MIPOL1: variants seen among roughly 807,000 people sequenced by gnomAD.
The protein encoded by MIPOL1 is mirror-image polydactyly 1, also known as mirror-image polydactyly gene 1 protein.
Under a neutral mutation model 60.9 loss-of-function variants are expected in MIPOL1, and 57 were observed. That is an observed-to-expected ratio of 0.94 (90% CI 0.76 to 1.17). The LOEUF (loss-of-function observed/expected upper bound fraction) is 1.17, where lower values mean the gene tolerates loss of function less well. Among genes scored for constraint, MIPOL1 ranks in the 50% most tolerant of loss-of-function variants. The pLI is 0.00. For missense variants in MIPOL1, 551 were observed against 511.6 expected, an observed-to-expected ratio of 1.08 and a Z score of -0.74; for synonymous variants, 179 against 168.8, an observed-to-expected ratio of 1.06 and a Z score of -0.47.
intron 9 of MIPOL1, among the ~76,000 whole-genome samples, chr14:37,351,126 T>C (rs1356618971): frequency 7.0e-6 from 1 of 143,722 alleles, no homozygotes; most frequent in Non-Finnish European, 1.5e-5. Flanking sequence ...ATCTCATTGT[T>C]CAATTCCCAC....
chr14:37,306,233 T>G (rs138981554), intron 7 of MIPOL1, among the ~76,000 whole-genome samples: 1 of 152,040 alleles, frequency 6.6e-6, no homozygotes, highest in East Asian at 1.9e-4. Flanking sequence ...AAGACAGCCT[T>G]AAATATTACA....
intron 10 of MIPOL1, among the ~76,000 whole-genome samples, chr14:37,403,091 A>G (rs1315721185): frequency 6.6e-6 from 1 of 152,188 alleles, no homozygotes; most frequent in Non-Finnish European, 1.5e-5. Context: ...AGGGTGGAAG[A>G]TATTTACTCT....
chr14:37,356,594 G>C (rs998219008), intron 9 of MIPOL1, among the ~76,000 whole-genome samples: 3 of 152,168 alleles, frequency 2.0e-5, no homozygotes, highest in African/African-American at 7.2e-5. Flanking sequence ...GCCAGGTGCG[G>C]GATATAATCT....
rs1156242983 is a variant in MIPOL1, at chr14:37,550,151, T to C, written c.*3180T>C. 6.6e-6 allele frequency: 1 copy of C among 151,520 alleles called. No individual in the cohort carries two copies. Among genetic ancestry groups the C allele is most frequent in the African/African-American group, 2.4e-5 (1 of 41,524 alleles). 9.4% of individuals were successfully genotyped at this position (151,520 alleles called of 1,614,324 possible). The stretch of plus-strand genomic sequence containing the variant: ...TCAATGATAAAGTTGATCCTTTGTA[T>C]ATTTCCTTATTCAAATAAATTCAGT... On this transcript the variant is annotated 3_prime_UTR_variant, in exon 13 of 13. Transcript: ENST00000684589.
At position 37,544,252 on chromosome 14, in the gene MIPOL1, A is replaced by G. The variant is rs577599448; in HGVS notation, c.1263-2653A>G. On this transcript the variant is annotated intron_variant, in intron 12 of 12. Transcript: ENST00000684589. ...TAGTGATAAAAGAAACAAAAATCATATTTAAAGTCTTCTCATCCTTCTGAC... is the reference window on the plus strand; with the variant it reads ...TAGTGATAAAAGAAACAAAAATCATGTTTAAAGTCTTCTCATCCTTCTGAC... 2.0e-5 allele frequency among the ~76,000 whole-genome samples: 3 copies of G among 152,354 alleles called. No homozygotes were observed. In the South Asian group the frequency reaches 6.2e-4, roughly 32 times the overall value.
chr14:37,312,117 C>CT (rs1013642256), intron 9 of MIPOL1, among the ~76,000 whole-genome samples: 1 of 152,006 alleles, frequency 6.6e-6, no homozygotes, highest in African/African-American at 2.4e-5. Context: ...TAACTTTTTA[C>CT]TTACTCTGAG....
intron 12 of MIPOL1, among the ~76,000 whole-genome samples, chr14:37,537,831 G>A (rs957166926): frequency 6.6e-6 from 1 of 152,108 alleles, no homozygotes; most frequent in Admixed American, 6.5e-5. Flanking sequence ...TATGCTGTGA[G>A]CCATACAAGG....
Position 37,494,390 on chromosome 14 carries a change from T to A in MIPOL1, c.1032-5518T>A, listed in dbSNP as rs559454781. 4.1e-4 allele frequency among the ~76,000 whole-genome samples: 62 copies of A among 152,302 alleles called. No homozygotes were observed. The Middle Eastern group carries it at 0.01, about 25-fold the overall frequency. ...TAGATTGAAGACCCACGTAGGTGTATCTAAGAAAGTGATATTTTTGCTTTG... is the reference window on the plus strand; with the variant it reads ...TAGATTGAAGACCCACGTAGGTGTAACTAAGAAAGTGATATTTTTGCTTTG... On this transcript the variant is annotated intron_variant, in intron 11 of 12. Coordinates refer to ENST00000684589, the MANE Select transcript of MIPOL1 (RefSeq NM_001388067.1).
chr14:37,508,261 G>A (rs952817498), intron 12 of MIPOL1, among the ~76,000 whole-genome samples: 2 of 152,042 alleles, frequency 1.3e-5, no homozygotes, highest in East Asian at 1.9e-4. Flanking sequence ...TCTTCACAAC[G>A]AAATTTCTTA....
chr14:37,212,670 C>G (rs1224445362), intron 1 of MIPOL1, among the ~76,000 whole-genome samples: 1 of 152,166 alleles, frequency 6.6e-6, no homozygotes, highest in African/African-American at 2.4e-5. Context: ...GGACATAGGC[C>G]TGGCTTGCTT....
At chr14:37,360,879 C>G (rs1042423104) in intron 9 of MIPOL1, among the ~76,000 whole-genome samples, 1 of 152,094 alleles carries the variant, frequency 6.6e-6, no homozygotes, top group African/African-American at 2.4e-5. Context: ...TGTGTTTGCT[C>G]TTGCTTCTCT....
chr14:37,337,356 ATTTTTTTT>A (rs33972471), intron 9 of MIPOL1, among the ~76,000 whole-genome samples: 58 of 29,918 alleles, frequency 1.9e-3, no homozygotes, highest in Non-Finnish European at 2.4e-3. Flanking sequence ...ATATATATAT[ATTTTTTTT>A]TTTTTTTTTT....
intron 9 of MIPOL1, among the ~76,000 whole-genome samples, chr14:37,346,901 G>A (rs1421936302): frequency 6.6e-6 from 1 of 152,042 alleles, no homozygotes; most frequent in South Asian, 2.1e-4. Flanking sequence ...AGCAAAGGGG[G>A]AAAAATTATC....
chr14:37,209,259 T>G (rs534498254), intron 1 of MIPOL1, among the ~76,000 whole-genome samples: 1 of 152,234 alleles, frequency 6.6e-6, no homozygotes. Flanking sequence ...AAAAATCCAG[T>G]GGGACATCTC....
At chr14:37,410,371 A>T (rs1054177586) in intron 10 of MIPOL1, among the ~76,000 whole-genome samples, 3 of 152,146 alleles carry the variant, frequency 2.0e-5, no homozygotes, top group East Asian at 1.9e-4. Flanking sequence ...AATAAAATTT[A>T]AAAAAAGAAA....
At chr14:37,345,271 T>C (rs2153465427) in intron 9 of MIPOL1, among the ~76,000 whole-genome samples, 1 of 152,030 alleles carries the variant, frequency 6.6e-6, no homozygotes, top group East Asian at 1.9e-4. Context: ...GTCTGGCTAA[T>C]ATTTTTTCAT....
intron 3 of MIPOL1, among the ~76,000 whole-genome samples, chr14:37,256,672 AG>A (rs142906428): frequency 0.019 from 2,831 of 152,072 alleles, 80 homozygotes; most frequent in African/African-American, 0.063. Flanking sequence ...AGGCTGCACT[AG>A]CCCAGGTAAG....
intron 10 of MIPOL1, among the ~76,000 whole-genome samples, chr14:37,389,721 C>G (rs1320256647): frequency 5.3e-5 from 8 of 149,616 alleles, no homozygotes; most frequent in African/African-American, 2.0e-4. Flanking sequence ...AAAATTCTAG[C>G]TTTTTACTCA....
chr14:37,428,705 GT>G (rs36080035), intron 11 of MIPOL1, among the ~76,000 whole-genome samples: 17,479 of 147,974 alleles, frequency 0.12, 1,110 homozygotes, highest in South Asian at 0.24. Flanking sequence ...GCTACTGCTG[GT>G]AAAAACATTC....
Sources: allele counts gnomAD v4.1 joint callset (sites outside exome capture counted in the v4.1 genomes callset), GRCh38; gene constraint gnomAD v4.1.1; transcripts MANE v1.5; gene names NCBI Gene and HGNC (gene_info 2026-07-23, HGNC 2026-07-21).